The following PLA2G2F variants were observed in gnomAD, a reference collection of about 807,000 sequenced individuals.
The protein encoded by PLA2G2F is group IIF secretory phospholipase A2.
A neutral mutation model predicts 15.9 loss-of-function variants in PLA2G2F; 17 were observed. That is an observed-to-expected ratio of 1.07 (90% CI 0.73 to 1.60). The LOEUF (loss-of-function observed/expected upper bound fraction) is 1.60. PLA2G2F is among the 40% of genes most tolerant of loss of function. The pLI is 0.00. For missense variants in PLA2G2F, 299 were observed against 278.2 expected, an observed-to-expected ratio of 1.07 and a Z score of -0.53; for synonymous variants, 119 against 106.5, an observed-to-expected ratio of 1.12 and a Z score of -0.72.
At chr1:20,148,095 C>A (rs1438831837) in intron 4 of PLA2G2F, 95 bp from the exon 5 acceptor site, 1 of 1,029,520 alleles carries the variant, frequency 9.7e-7, no homozygotes, top group Non-Finnish European at 1.5e-6. Context: ...GACCACTGGG[C>A]TCTCCAAGTC....
At chr1:20,140,442 G>A (rs1377045156) in intron 2 of PLA2G2F, 7 of 543,844 alleles carry the variant, frequency 1.3e-5, no homozygotes, top group South Asian at 2.3e-5. Context: ...GCAGGGCGCA[G>A]GGCTGAGCAA....
intron 3 of PLA2G2F, 70 bp from the exon 4 acceptor site, chr1:20,144,510 C>T: frequency 9.3e-7 from 1 of 1,073,232 alleles, no homozygotes; most frequent in Non-Finnish European, 1.4e-6. Context: ...AAGAGATGAT[C>T]AGAGGTCTCT....
intron 4 of PLA2G2F, 135 bp from the exon 5 acceptor site, chr1:20,148,055 G>T: frequency 1.4e-6 from 1 of 738,228 alleles, no homozygotes; most frequent in Non-Finnish European, 2.4e-6. Context: ...GGGTGGTGCT[G>T]GTCCTGCCGC....
rs539494766 is a variant in PLA2G2F at position 20,143,297 on chromosome 1, T to C, written c.170-149T>C. 5.0e-5 allele frequency: 51 copies of C among 1,011,224 alleles called. No individual in the cohort carries two copies. The South Asian group carries it at 8.7e-4, about 17-fold the overall frequency. The allele number at this position is 1,011,224 out of a possible 1,614,324, so 62.6% of individuals were successfully genotyped here. On this transcript the variant is annotated intron_variant, in intron 2 of 4. Transcript: ENST00000375102. ...CTCTGGCTTAGCTGCCCACGCTTCT[T>C]GCCCCAGCTTCCTCTCCTGCTTTCT...
At position 20,148,278 on chromosome 1, in the gene PLA2G2F, G is replaced by A. The variant is rs758577411; in HGVS notation, c.513G>A (p.Glu171=). The change falls in exon 5 of 5, where the codon GAG becomes GAA. Residue 171 remains glutamate (E), a synonymous_variant. Coordinates refer to ENST00000375102, the MANE Select transcript of PLA2G2F (RefSeq NM_022819.4). The part of the protein sequence containing the change: ...VLCLMNQTYR[E]EYRGFLNVYC... Reference sequence around the variant, plus strand: ...GCCTCATGAACCAGACGTACCGAGAGGAGTACCGTGGCTTCCTCAATGTCT... The same window carrying A: ...GCCTCATGAACCAGACGTACCGAGAAGAGTACCGTGGCTTCCTCAATGTCT... 1 of 1,614,058 alleles carries A rather than the reference G, an allele frequency of 6.2e-7. No individual in the cohort carries two copies. The highest frequency in any genetic ancestry group is 1.7e-5 in the Admixed American group (1 of 60,020).
At position 20,139,334 on chromosome 1, in the gene PLA2G2F, A is replaced by G. The variant is rs1569889863; in HGVS notation, c.-94A>G. 1.1e-6 allele frequency: 1 copy of G among 935,656 alleles called. No individual in the cohort carries two copies. The highest frequency in any genetic ancestry group is 2.6e-5 in the East Asian group (1 of 37,872). The allele number at this position is 935,656 out of a possible 1,614,324, so 58.0% of individuals were successfully genotyped here. ...CCTGCCACTCCCCTGCCAGTGTGCG[A>G]GGCAGCGTGAAGCTGGGGCCTGCTC... On this transcript the variant is annotated 5_prime_UTR_variant, in exon 1 of 5. Transcript: ENST00000375102.
At chr1:20,141,466 TA>T in intron 2 of PLA2G2F, 1 of 152,648 alleles carries the variant, frequency 6.6e-6, no homozygotes. Flanking sequence ...ATGTGGTGTG[TA>T]AAGGAGAGTG....
At chr1:20,144,875 G>T (rs148143706) in intron 4 of PLA2G2F, among the ~76,000 whole-genome samples, 186 bp downstream of exon 4, 36 of 152,276 alleles carry the variant, frequency 2.4e-4, no homozygotes, top group Admixed American at 1.6e-3. Context: ...TCAGGAGTTC[G>T]AGACCATCCT....
rs530924518 is a variant in PLA2G2F, at chr1:20,139,393, G to C, written c.-35G>C. 9.3e-6 allele frequency: 14 copies of C among 1,504,242 alleles called. No homozygotes were observed. In the South Asian group the frequency reaches 1.4e-4, roughly 16 times the overall value. The allele number at this position is 1,504,242 out of a possible 1,614,324, so 93.2% of individuals were successfully genotyped here. A position where few individuals can be genotyped will look rare whatever the true frequency, so the allele number is the denominator to read the frequency against. ...CTCTGGAGCGCATCTCAGACCTTCTGAGACCTATGTTGCTGGCCCCCCAGA... is the reference window on the plus strand; with the variant it reads ...CTCTGGAGCGCATCTCAGACCTTCTCAGACCTATGTTGCTGGCCCCCCAGA... On this transcript the variant is annotated 5_prime_UTR_variant, in exon 1 of 5. Coordinates refer to ENST00000375102, the MANE Select transcript of PLA2G2F (RefSeq NM_022819.4).
chr1:20,148,405 C>T lies in PLA2G2F; in HGVS notation c.*4C>T. 1 of 1,608,046 alleles carries T rather than the reference C, an allele frequency of 6.2e-7. No homozygotes were observed. Among genetic ancestry groups the T allele is most frequent in the Non-Finnish European group, 8.5e-7 (1 of 1,175,266 alleles). On this transcript the variant is annotated 3_prime_UTR_variant, in exon 5 of 5. Coordinates refer to ENST00000375102, the MANE Select transcript of PLA2G2F (RefSeq NM_022819.4). ...AGCGCCCCCCGCCCCTCCCTAGAGCCTCTGAGGTTTGAGAGAGAGAGCGGG... is the reference window on the plus strand; with the variant it reads ...AGCGCCCCCCGCCCCTCCCTAGAGCTTCTGAGGTTTGAGAGAGAGAGCGGG...
intron 4 of PLA2G2F, 111 bp from the exon 5 acceptor site, chr1:20,148,079 T>A: frequency 2.2e-6 from 2 of 902,616 alleles, no homozygotes; most frequent in Non-Finnish European, 3.6e-6. Flanking sequence ...GGTAACACAT[T>A]CCAAGGACCA....
chr1:20,144,591 C>A lies in PLA2G2F; in HGVS notation c.326C>A (p.Ala109Asp). The change falls in exon 4 of 5, where the codon GCC (alanine) becomes GAC (aspartate). Residue 109 changes from alanine (A) to aspartate (D), a missense_variant. Physicochemically the swap from Ala to Asp is moderately radical, Grantham distance 126. Coordinates refer to ENST00000375102, the MANE Select transcript of PLA2G2F (RefSeq NM_022819.4). Reference sequence around the variant, plus strand: ...CTGCCGCTCCCTAGGTGCTGCCACGCCCACGACTGCTGCTACCAGGAACTC... The same window carrying A: ...CTGCCGCTCCCTAGGTGCTGCCACGACCACGACTGCTGCTACCAGGAACTC... ...PKDEVDWCCH[A>D]HDCCYQELFD... The A allele has an allele frequency of 6.2e-7, 1 of 1,610,228 alleles. No homozygotes were observed. Among genetic ancestry groups the A allele is most frequent in the Non-Finnish European group, 8.5e-7 (1 of 1,178,198 alleles).
chr1:20,147,670 C>A (rs523506), intron 4 of PLA2G2F, among the ~76,000 whole-genome samples: 152,101 of 152,142 alleles, frequency 1, 76,030 homozygotes, highest in Middle Eastern at 1. Context: ...GGCTGGTCTC[C>A]AACTCCTGAC....
intron 4 of PLA2G2F, among the ~76,000 whole-genome samples, chr1:20,146,691 C>T (rs2017615371): frequency 6.6e-6 from 1 of 152,202 alleles, no homozygotes. Context: ...AATCTTCTGT[C>T]ATTGGGAAGG....
Position 20,140,155 on chromosome 1 carries a change from TC to T in PLA2G2F, c.117-9del. ...GGATGGACTCAAGCTCCGGGTTTCGTCCTCCCTCAGGTCTAGCCTGGGTATG... is the reference window on the plus strand; with the variant it reads ...GGATGGACTCAAGCTCCGGGTTTCGTCTCCCTCAGGTCTAGCCTGGGTATG... On this transcript the variant is annotated splice_polypyrimidine_tract_variant and intron_variant, in intron 1 of 4. Transcript: ENST00000375102. The T allele has an allele frequency of 6.2e-7, 1 of 1,613,348 alleles. No individual in the cohort carries two copies. The highest frequency in any genetic ancestry group is 8.5e-7 in the Non-Finnish European group (1 of 1,179,534).
intron 4 of PLA2G2F, among the ~76,000 whole-genome samples, chr1:20,144,991 C>A (rs2017558875): frequency 6.6e-6 from 1 of 152,118 alleles, no homozygotes; most frequent in Non-Finnish European, 1.5e-5. Context: ...ATACGAGAAC[C>A]ACTTTGAACT....
chr1:20,149,586 T>C lies in PLA2G2F; in HGVS notation c.*1185T>C, dbSNP rs2017688781. 1 of 152,424 alleles carries C rather than the reference T, an allele frequency of 6.6e-6. No individual in the cohort carries two copies. The highest frequency in any genetic ancestry group is 1.5e-5 in the Non-Finnish European group (1 of 68,268). 9.4% of individuals were successfully genotyped at this position (152,424 alleles called of 1,614,324 possible). On this transcript the variant is annotated 3_prime_UTR_variant, in exon 5 of 5. Transcript: ENST00000375102. The stretch of plus-strand genomic sequence containing the variant: ...CTACATGGAAGCTTCTAGAAGGCAG[T>C]AAGGAACAGGGTGGTGAAGGAGAGG...
intron 4 of PLA2G2F, 128 bp from the exon 5 acceptor site, chr1:20,148,062 C>A: frequency 1.3e-6 from 1 of 778,876 alleles, no homozygotes; most frequent in South Asian, 1.6e-5. Flanking sequence ...GCTGGTCCTG[C>A]CGCCCAGGTA....
At chr1:20,145,448 C>T (rs772590770) in intron 4 of PLA2G2F, among the ~76,000 whole-genome samples, 1 of 151,656 alleles carries the variant, frequency 6.6e-6, no homozygotes, top group African/African-American at 2.4e-5. Context: ...TGCCCAGCTA[C>T]TTTTTAAATT....
Sources: gnomAD v4.1 joint callset for allele counts (sites outside exome capture counted in the v4.1 genomes callset) on GRCh38, gnomAD v4.1.1 for gene constraint, MANE v1.5 for transcripts, NCBI Gene and HGNC (gene_info 2026-07-23, HGNC 2026-07-21) for gene names.